Variants in RGS3 observed in about 807,000 individuals in gnomAD.
The protein encoded by RGS3 is regulator of G protein signaling 3, also known as regulator of G-protein signalling 3.
A neutral mutation model predicts 132.6 loss-of-function variants in RGS3; 80 were observed. The observed-to-expected ratio is 0.60, with a 90% CI of 0.50 to 0.73. The LOEUF is 0.73. Ranked by LOEUF, RGS3 falls within the 30% of genes least tolerant of loss-of-function variation. RGS3 has a pLI of 0.00. For synonymous variants in RGS3, 598 were observed against 620.6 expected (o/e 0.96, Z 0.54); for missense variants, 1,382 against 1,530.8 (o/e 0.90, Z 1.62).
chr9:113,573,918 G>A (rs563981431), intron 19 of RGS3, among the ~76,000 whole-genome samples: 2 of 152,360 alleles, frequency 1.3e-5, no homozygotes, highest in African/African-American at 2.4e-5. Context: ...AGTAGAAAGA[G>A]CAGGGCTTTG....
At position 113,506,386 on chromosome 9, in the gene RGS3, A is replaced by G; in HGVS notation, c.980-2A>G. On this transcript the variant is annotated splice_acceptor_variant, in intron 11 of 24. Transcript: ENST00000350696. LOFTEE classifies it high-confidence loss of function. This position sits in a 1 kb window ranked among gnomAD's most constrained non-coding sequence, Gnocchi z 4.7. The stretch of plus-strand genomic sequence containing the variant: ...CTGAATGGCTTTTCTTTGTCCCTGC[A>G]GGGGGTCCGGCGGAACGGGCAGGGC... The G allele has an allele frequency of 6.3e-7, 1 of 1,580,130 alleles. No individual in the cohort carries two copies. The highest frequency in any genetic ancestry group is 8.6e-7 in the Non-Finnish European group (1 of 1,163,372).
At chr9:113,548,940 C>T (rs979808492) in intron 19 of RGS3, among the ~76,000 whole-genome samples, 2 of 152,218 alleles carry the variant, frequency 1.3e-5, no homozygotes, top group African/African-American at 4.8e-5. Context: ...CCACCCTGAG[C>T]CCTGACCTCA....
intron 7 of RGS3, among the ~76,000 whole-genome samples, chr9:113,493,413 T>G (rs1292595268): frequency 6.6e-6 from 1 of 152,140 alleles, no homozygotes; most frequent in Non-Finnish European, 1.5e-5. Flanking sequence ...GCAGGAGTGA[T>G]GAACTGAGAG....
In RGS3 at chr9:113,447,319, GTATGTATATGTATATATA is replaced by G. The variant is rs1273656551; in HGVS notation, c.-13+2396_-13+2413del. 4.1e-4 allele frequency among the ~76,000 whole-genome samples: 9 copies of G among 21,884 alleles called. 2 individuals are homozygous for G. The highest frequency in any genetic ancestry group is 7.3e-4 in the African/African-American group (9 of 12,272). 14.4% of individuals were successfully genotyped at this position (21,884 alleles called of 152,430 possible). On this transcript the variant is annotated intron_variant, in intron 1 of 25. Transcript: ENST00000374140. ...AGGGTGTAAACCAATAAATTCTGATGTATGTATATGTATATATATATATATATATATATATATATATAG... is the reference window on the plus strand; with the variant it reads ...AGGGTGTAAACCAATAAATTCTGATGTATATATATATATATATATATATAG...
At chr9:113,595,874 C>T (rs1188773293) in intron 24 of RGS3, 109 bp downstream of exon 22, 27 of 1,182,374 alleles carry the variant, frequency 2.3e-5, no homozygotes, top group Non-Finnish European at 1.5e-5. Context: ...CAGAATGACT[C>T]CATGAGCCCA....
Position 113,583,371 on chromosome 9 carries a change from T to C in RGS3, c.2038-79T>C, listed in dbSNP as rs1413342534. 6 of 1,534,682 alleles carry C rather than the reference T, an allele frequency of 3.9e-6. No individual in the cohort carries two copies. In the Admixed American group the frequency reaches 6.0e-5, roughly 15 times the overall value. ...CCGGGGTTCAGGCCACTGCCTGATT[T>C]CATGTCAGCTCATGCATGGTGTCTG... On this transcript the variant is annotated intron_variant, in intron 19 of 24. Transcript: ENST00000350696.
At chr9:113,577,525 A>T (rs1293794105) in intron 19 of RGS3, among the ~76,000 whole-genome samples, 1 of 152,126 alleles carries the variant, frequency 6.6e-6, no homozygotes, top group Non-Finnish European at 1.5e-5. Context: ...CCATTAGAGG[A>T]GGAATGATGG....
chr9:113,591,306 T>A lies in RGS3; in HGVS notation c.3016-27T>A. The A allele has an allele frequency of 6.2e-7, 1 of 1,608,544 alleles. No homozygotes were observed. Among genetic ancestry groups the A allele is most frequent in the Non-Finnish European group, 8.5e-7 (1 of 1,175,704 alleles). The stretch of plus-strand genomic sequence containing the variant: ...GGCAGGAGTTCCTGGGTGCCCAGAC[T>A]GCATCGTGTCTGTCTTCTCTCCGCA... On this transcript the variant is annotated intron_variant, in intron 20 of 24. Coordinates refer to ENST00000350696, the Ensembl canonical transcript of RGS3. This position sits in a 1 kb window ranked among gnomAD's most constrained non-coding sequence, Gnocchi z 4.4.
intron 3 of RGS3, among the ~76,000 whole-genome samples, chr9:113,475,473 A>G (rs1829961465): frequency 6.6e-6 from 1 of 152,128 alleles, no homozygotes; most frequent in Non-Finnish European, 1.5e-5. Context: ...TCGTGCAATC[A>G]TAGCTCACTA....
exon 20 of RGS3, chr9:113,584,409 C>T (rs1282854629): frequency 6.6e-7 from 1 of 1,519,416 alleles, no homozygotes; most frequent in Non-Finnish European, 8.8e-7. Flanking sequence ...TTTCCCTCTT[C>T]TTCACAGGAC....
intron 16 of RGS3, among the ~76,000 whole-genome samples, chr9:113,521,250 G>A (rs1404649094): frequency 6.6e-6 from 1 of 152,112 alleles, no homozygotes; most frequent in Non-Finnish European, 1.5e-5. Flanking sequence ...CTTCAAGGAC[G>A]TCTCCCTGTT....
exon 20 of RGS3, chr9:113,583,478 G>A (rs1386357794): frequency 6.2e-7 from 1 of 1,614,210 alleles, no homozygotes; most frequent in South Asian, 1.1e-5. Flanking sequence ...GATGAGAAGA[G>A]GGAGATGGCC....
chr9:113,449,993 C>T (rs994693656), intron 1 of RGS3, among the ~76,000 whole-genome samples: 22 of 151,956 alleles, frequency 1.4e-4, no homozygotes, highest in African/African-American at 5.3e-4. Context: ...GATCTGCCCA[C>T]CTCGGCCTCC....
In RGS3 at chr9:113,463,741, C is replaced by G. The variant is rs1829533602; in HGVS notation, c.415+1540C>G. The G allele has an allele frequency of 1.1e-5, 17 of 1,538,438 alleles. No homozygotes were observed. The highest frequency in any genetic ancestry group is 1.3e-5 in the Non-Finnish European group (15 of 1,143,934). The stretch of plus-strand genomic sequence containing the variant: ...CCTCCCGCCCTGGAGACTCCGGTTA[C>G]TGGGGAGCAACACAGCCGCCTCGGG... On this transcript the variant is annotated intron_variant, in intron 3 of 24. Coordinates refer to ENST00000350696, the Ensembl canonical transcript of RGS3. The surrounding 1 kb of genome is among the most constrained non-coding windows in gnomAD (Gnocchi z 4.6).
intron 24 of RGS3, 48 bp downstream of exon 22, chr9:113,595,813 G>A (rs780318818): frequency 1.5e-5 from 24 of 1,587,334 alleles, no homozygotes; most frequent in Non-Finnish European, 2.0e-5. Context: ...CCAGGGCCCA[G>A]TGGCCCTTCA....
chr9:113,506,660 T>C lies in RGS3; in HGVS notation c.1085+167T>C, dbSNP rs2119325150. 1.3e-5 allele frequency among the ~76,000 whole-genome samples: 2 copies of C among 152,288 alleles called. No individual in the cohort carries two copies. The highest frequency in any genetic ancestry group is 3.9e-4 in the East Asian group (2 of 5,170). ...AGGAATCTGTTTCTTGGCCTGAGAATGGAAGGTTCAGGCTCAGAGCACTTT... is the reference window on the plus strand; with the variant it reads ...AGGAATCTGTTTCTTGGCCTGAGAACGGAAGGTTCAGGCTCAGAGCACTTT... On this transcript the variant is annotated intron_variant, in intron 12 of 24. Coordinates refer to ENST00000350696, the Ensembl canonical transcript of RGS3. The surrounding 1 kb of genome is among the most constrained non-coding windows in gnomAD (Gnocchi z 4.7).
At chr9:113,593,567 T>G (rs1318474001) in intron 21 of RGS3, 1 of 246,000 alleles carries the variant, frequency 4.1e-6, no homozygotes, top group East Asian at 9.2e-5. Context: ...TTAAAACTAC[T>G]AAGATGTTGG....
chr9:113,582,117 C>A, intron 19 of RGS3: 1 of 985,482 alleles, frequency 1.0e-6, no homozygotes. Flanking sequence ...CCTGCAGCTG[C>A]CCCAAGCCAT....
At chr9:113,468,304 T>C (rs1829714975) in intron 3 of RGS3, among the ~76,000 whole-genome samples, 1 of 152,198 alleles carries the variant, frequency 6.6e-6, no homozygotes, top group South Asian at 2.1e-4. Flanking sequence ...TTGTTGAAAA[T>C]ACCATTATTT....
Sources: gnomAD v4.1 joint callset for allele counts (sites outside exome capture counted in the v4.1 genomes callset) on GRCh38, gnomAD v4.1.1 for gene constraint, Gnocchi (gnomAD v3.1) non-coding constraint, MANE v1.5 for transcripts, NCBI Gene and HGNC (gene_info 2026-07-23, HGNC 2026-07-21) for gene names.